Variants in SH2B3 observed in about 807,000 individuals in gnomAD.
SH2B3 encodes SH2B adaptor protein 3.
A neutral mutation model predicts 51.9 loss-of-function variants in SH2B3; 43 were observed. The observed-to-expected ratio is 0.83, with a 90% confidence interval of 0.65 to 1.07. SH2B3 has a LOEUF of 1.07. SH2B3 is among the 50% of genes least tolerant of loss of function. SH2B3 has a pLI of 0.00. For synonymous variants in SH2B3, 396 were observed against 376.0 expected (o/e 1.05, Z -0.62); for missense variants, 952 against 834.3 (o/e 1.14, Z -1.74).
In SH2B3 at chr12:111,418,442, G is replaced by C; in HGVS notation, c.297G>C (p.Lys99Asn). The change falls in exon 2 of 8, where the codon AAG becomes AAC. Residue 99 changes from lysine to asparagine, a missense_variant. Coordinates refer to ENST00000341259, the MANE Select transcript of SH2B3 (RefSeq NM_005475.3). This position sits in a 1 kb window ranked among gnomAD's most constrained non-coding sequence, Gnocchi z 6.7. ...YRDTGRGPPAKAEASPEPGPG... is the reference protein window; with the variant it reads ...YRDTGRGPPANAEASPEPGPG... ...ACACAGGCCGTGGGCCCCCAGCCAA[G>C]GCCGAGGCGTCCCCGGAGCCAGGCC... is the stretch of plus-strand genomic sequence containing the variant. The C allele has an allele frequency of 7.0e-7, 1 of 1,423,434 alleles. No homozygotes were observed. Among genetic ancestry groups the C allele is most frequent in the Non-Finnish European group, 9.1e-7 (1 of 1,094,720 alleles). 88.2% of individuals were successfully genotyped at this position (1,423,434 alleles called of 1,614,324 possible). A position where few individuals can be genotyped will look rare whatever the true frequency, so the allele number is the denominator to read the frequency against.
intron 6 of SH2B3, 51 bp downstream of exon 6, chr12:111,447,595 C>G: frequency 1.9e-6 from 3 of 1,609,810 alleles, no homozygotes; most frequent in Non-Finnish European, 1.7e-6. Context: ...TGCCACCCCT[C>G]TCCACTGGAG....
intron 2 of SH2B3, among the ~76,000 whole-genome samples, chr12:111,433,849 A>G (rs1023800614): frequency 1.3e-5 from 2 of 152,164 alleles, no homozygotes; most frequent in African/African-American, 4.8e-5. Flanking sequence ...CCTGGATTCA[A>G]GCAGTCCTCT....
chr12:111,406,102 C>T lies in SH2B3; in HGVS notation c.-203C>T, dbSNP rs1014130898. 1.9e-4 allele frequency: 29 copies of T among 151,946 alleles called. No homozygotes were observed. Among genetic ancestry groups the T allele is most frequent in the African/African-American group, 6.8e-4 (28 of 41,418 alleles). 9.4% of individuals were successfully genotyped at this position (151,946 alleles called of 1,614,324 possible). On this transcript the variant is annotated 5_prime_UTR_variant, in exon 1 of 8. Transcript: ENST00000341259. The surrounding 1 kb of genome is among the most constrained non-coding windows in gnomAD (Gnocchi z 5.7). Reference sequence around the variant, plus strand: ...GCGGCGGAAATGATGAGGCGCTGGCCATTTTCCGAGCCCGGGTTTCCTGCC... The same window carrying T: ...GCGGCGGAAATGATGAGGCGCTGGCTATTTTCCGAGCCCGGGTTTCCTGCC...
chr12:111,418,819 GCCGGGCC>G lies in SH2B3; in HGVS notation c.685_691del (p.Gly229MetfsTer47), dbSNP rs1217776433. 3.5e-6 allele frequency: 5 copies of G among 1,427,844 alleles called. No individual in the cohort carries two copies. Among genetic ancestry groups the G allele is most frequent in the Non-Finnish European group, 3.6e-6 (4 of 1,104,390 alleles). The allele number at this position is 1,427,844 out of a possible 1,614,324, so 88.4% of individuals were successfully genotyped here. A position where few individuals can be genotyped will look rare whatever the true frequency, so the allele number is the denominator to read the frequency against. Reference sequence around the variant, plus strand: ...TGGCAGCGCGGGAGGCTGGCGCTGCGCCGGGCCCCGGGCCCCGATGGCCCCGACCGCG... The same window carrying G: ...TGGCAGCGCGGGAGGCTGGCGCTGCGCCGGGCCCCGATGGCCCCGACCGCG... On this transcript the variant is annotated frameshift_variant, in exon 2 of 8. Transcript: ENST00000341259. LOFTEE classifies it high-confidence loss of function. This position sits in a 1 kb window ranked among gnomAD's most constrained non-coding sequence, Gnocchi z 6.7.
At chr12:111,413,986 G>A (rs1050407774) in intron 1 of SH2B3, among the ~76,000 whole-genome samples, 3 of 152,206 alleles carry the variant, frequency 2.0e-5, no homozygotes, top group East Asian at 1.9e-4. Flanking sequence ...CGTGACTAGC[G>A]GCAGATCGTG....
At position 111,407,373 on chromosome 12, in the gene SH2B3, G is replaced by A. The variant is rs7957642; in HGVS notation, c.-28+1096G>A. 0.035 allele frequency among the ~76,000 whole-genome samples: 5,310 copies of A among 152,292 alleles called. 333 individuals carry two copies. Among genetic ancestry groups the A allele is most frequent in the African/African-American group, 0.12 (4,968 of 41,542 alleles). On this transcript the variant is annotated intron_variant, in intron 1 of 7. Transcript: ENST00000341259. This position sits in a 1 kb window ranked among gnomAD's most constrained non-coding sequence, Gnocchi z 4.3. ...ACCGAGATCTGACCCGCAGCCCCTC[G>A]CCGGGGAGATGACAGTTCCCTAACA...
chr12:111,409,723 T>C lies in SH2B3; in HGVS notation c.-28+3446T>C, dbSNP rs1870536158. ...TGGAGACTGAGCAGGTCCTGAGGCC[T>C]GGCAGCAGGACCAGGCCACCACTGG... On this transcript the variant is annotated intron_variant, in intron 1 of 7. Transcript: ENST00000341259. This position sits in a 1 kb window ranked among gnomAD's most constrained non-coding sequence, Gnocchi z 4.0. Among the ~76,000 whole-genome samples the C allele has an allele frequency of 6.6e-6, 1 of 152,192 alleles. No individual in the cohort carries two copies. Among genetic ancestry groups the C allele is most frequent in the Non-Finnish European group, 1.5e-5 (1 of 68,032 alleles).
chr12:111,414,111 A>G (rs1870905122), intron 1 of SH2B3, among the ~76,000 whole-genome samples: 1 of 152,218 alleles, frequency 6.6e-6, no homozygotes, highest in Non-Finnish European at 1.5e-5. Context: ...AGTAGGATTG[A>G]CCAAGAACAG....
In SH2B3 at chr12:111,418,279, A is replaced by C; in HGVS notation, c.134A>C (p.Tyr45Ser). 1 of 1,539,608 alleles carries C rather than the reference A, an allele frequency of 6.5e-7. No individual in the cohort carries two copies. The highest frequency in any genetic ancestry group is 8.7e-7 in the Non-Finnish European group (1 of 1,149,992). Residue 45 changes from tyrosine to serine, a missense_variant, in exon 2 of 8, where the codon TAC becomes TCC. Coordinates refer to ENST00000341259, the MANE Select transcript of SH2B3 (RefSeq NM_005475.3). This position sits in a 1 kb window ranked among gnomAD's most constrained non-coding sequence, Gnocchi z 6.7. Reference protein sequence around the residue: ...VAAARELARQYWLFAREHPQH... With the variant: ...VAAARELARQSWLFAREHPQH... ...GCGGCCCGGGAGCTGGCCCGCCAGT[A>C]CTGGCTGTTCGCCCGGGAGCATCCG...
intron 2 of SH2B3, among the ~76,000 whole-genome samples, 197 bp from the exon 3 acceptor site, chr12:111,446,556 G>A (rs1873978825): frequency 6.6e-6 from 1 of 152,166 alleles, no homozygotes; most frequent in African/African-American, 2.4e-5. Flanking sequence ...ATGCTTCTTG[G>A]GATCTCAGTG....
intron 2 of SH2B3, among the ~76,000 whole-genome samples, chr12:111,424,134 A>C (rs1871789021): frequency 6.6e-6 from 1 of 152,180 alleles, no homozygotes; most frequent in Non-Finnish European, 1.5e-5. Flanking sequence ...GTGAATATAT[A>C]AAAAATAAAA....
chr12:111,429,858 G>T lies in SH2B3; in HGVS notation c.732+10981G>T, dbSNP rs1872320076. Among the ~76,000 whole-genome samples the T allele has an allele frequency of 1.3e-5, 2 of 152,196 alleles. No individual in the cohort carries two copies. Among genetic ancestry groups the T allele is most frequent in the Admixed American group, 6.5e-5 (1 of 15,286 alleles). On this transcript the variant is annotated intron_variant, in intron 2 of 7. Transcript: ENST00000341259. This position sits in a 1 kb window ranked among gnomAD's most constrained non-coding sequence, Gnocchi z 4.4. ...TCTGCCAAGGCCGGGGGGCACCAGGGGCAGGGGGTTTGTGTTTAGGCCCCA... is the reference window on the plus strand; with the variant it reads ...TCTGCCAAGGCCGGGGGGCACCAGGTGCAGGGGGTTTGTGTTTAGGCCCCA...
chr12:111,448,407 A>G lies in SH2B3; in HGVS notation c.*105A>G, dbSNP rs1049488267. 1.1e-6 allele frequency: 1 copy of G among 925,936 alleles called. No individual in the cohort carries two copies. The highest frequency in any genetic ancestry group is 1.6e-6 in the Non-Finnish European group (1 of 615,794). 57.4% of individuals were successfully genotyped at this position (925,936 alleles called of 1,614,324 possible). On this transcript the variant is annotated 3_prime_UTR_variant, in exon 8 of 8. Coordinates refer to ENST00000341259, the MANE Select transcript of SH2B3 (RefSeq NM_005475.3). ...TTCCTTCCTTCCAGAGAAAGATTTA[A>G]GGGACACTGTTAACTGCTCGTGCCA...
chr12:111,418,449 G>A lies in SH2B3; in HGVS notation c.304G>A (p.Ala102Thr). 1 of 1,411,354 alleles carries A rather than the reference G, an allele frequency of 7.1e-7. No homozygotes were observed. Among genetic ancestry groups the A allele is most frequent in the East Asian group, 3.2e-5 (1 of 30,790 alleles). The allele number at this position is 1,411,354 out of a possible 1,614,324, so 87.4% of individuals were successfully genotyped here. A position where few individuals can be genotyped will look rare whatever the true frequency, so the allele number is the denominator to read the frequency against. ...TGRGPPAKAE[A>T]SPEPGPGPAA... is the part of the protein sequence containing the mutation. The stretch of plus-strand genomic sequence containing the variant: ...CCGTGGGCCCCCAGCCAAGGCCGAG[G>A]CGTCCCCGGAGCCAGGCCCCGGCCC... Residue 102 changes from alanine (A) to threonine (T), a missense_variant, in exon 2 of 8, where the codon GCG becomes ACG. Coordinates refer to ENST00000341259, the MANE Select transcript of SH2B3 (RefSeq NM_005475.3). The surrounding 1 kb of genome is among the most constrained non-coding windows in gnomAD (Gnocchi z 6.7).
Position 111,418,481 on chromosome 12 carries a change from C to T in SH2B3, c.336C>T (p.Ala112=). 7.3e-7 allele frequency: 1 copy of T among 1,367,138 alleles called. No homozygotes were observed. Among genetic ancestry groups the T allele is most frequent in the Non-Finnish European group, 9.4e-7 (1 of 1,065,256 alleles). The allele number at this position is 1,367,138 out of a possible 1,614,324, so 84.7% of individuals were successfully genotyped here. Residue 112 remains alanine (A), a synonymous_variant, in exon 2 of 8, where the codon GCC becomes GCT. Coordinates refer to ENST00000341259, the MANE Select transcript of SH2B3 (RefSeq NM_005475.3). This position sits in a 1 kb window ranked among gnomAD's most constrained non-coding sequence, Gnocchi z 6.7. ...ASPEPGPGPA[A]PGLPKARSSE... is the part of the protein sequence containing the mutation. ...CGGAGCCAGGCCCCGGCCCCGCCGC[C>T]CCTGGCCTGCCCAAGGCCCGCAGCT...
At chr12:111,417,540 C>T (rs570967107) in intron 1 of SH2B3, among the ~76,000 whole-genome samples, 100 of 151,810 alleles carry the variant, frequency 6.6e-4, no homozygotes, top group Non-Finnish European at 1.0e-3. Flanking sequence ...AATGGCTGAT[C>T]ATGGCTTACT....
chr12:111,434,761 T>G, intron 2 of SH2B3: 1 of 1,444,760 alleles, frequency 6.9e-7, no homozygotes, highest in African/African-American at 1.4e-5. Context: ...GCTTTTGTTA[T>G]GGGTGGCTGG....
chr12:111,437,373 C>T (rs544554098), intron 2 of SH2B3, among the ~76,000 whole-genome samples: 2 of 152,318 alleles, frequency 1.3e-5, no homozygotes, highest in South Asian at 4.1e-4. Flanking sequence ...TCTCTTTCCT[C>T]CTCCCCTGTG....
At position 111,418,860 on chromosome 12, in the gene SH2B3, C is replaced by T. The variant is rs1188274508; in HGVS notation, c.715C>T (p.Leu239Phe). Residue 239 changes from leucine to phenylalanine, a missense_variant, in exon 2 of 8, where the codon CTC becomes TTC. By Grantham distance (22) the Leu-to-Phe change is conservative. Coordinates refer to ENST00000341259, the MANE Select transcript of SH2B3 (RefSeq NM_005475.3). The surrounding 1 kb of genome is among the most constrained non-coding windows in gnomAD (Gnocchi z 6.7). ...GPDGPDRVLE[L>F]FDPPKSSRPK... ...CGATGGCCCCGACCGCGTGCTGGAGCTCTTCGACCCACCCAAGGTAAGTAA... is the reference window on the plus strand; with the variant it reads ...CGATGGCCCCGACCGCGTGCTGGAGTTCTTCGACCCACCCAAGGTAAGTAA... The T allele has an allele frequency of 1.4e-6, 2 of 1,414,016 alleles. No individual in the cohort carries two copies. Among genetic ancestry groups the T allele is most frequent in the Admixed American group, 6.9e-5 (2 of 28,940 alleles). The allele number at this position is 1,414,016 out of a possible 1,614,324, so 87.6% of individuals were successfully genotyped here. A position where few individuals can be genotyped will look rare whatever the true frequency, so the allele number is the denominator to read the frequency against.
Sources: allele counts gnomAD v4.1 joint callset (sites outside exome capture counted in the v4.1 genomes callset), GRCh38; gene constraint gnomAD v4.1.1; non-coding constraint Gnocchi (gnomAD v3.1); transcripts MANE v1.5; gene names NCBI Gene and HGNC (gene_info 2026-07-23, HGNC 2026-07-21).